Variants in NOL4 observed in about 807,000 individuals in gnomAD.
NOL4 encodes the protein nucleolar protein 4, also known as cancer/testis antigen 125.
NOL4 carries 17 observed loss-of-function variants against 75.9 expected under a neutral mutation model. The ratio of observed to expected loss-of-function variants is 0.22; its 90% confidence interval spans 0.15 to 0.34. The LOEUF (loss-of-function observed/expected upper bound fraction) is 0.34. Among genes scored for constraint, NOL4 ranks in the 10% least tolerant of loss-of-function variants. NOL4 has a pLI of 1.00. For synonymous variants in NOL4, 292 were observed against 289.9 expected (o/e 1.01, Z -0.07); for missense variants, 614 against 793.5 (o/e 0.77, Z 2.72).
intron 1 of NOL4, among the ~76,000 whole-genome samples, chr18:34,186,877 C>T (rs577440913): frequency 1.8e-4 from 27 of 152,246 alleles, no homozygotes; most frequent in Middle Eastern, 3.4e-3. Flanking sequence ...TGTAAGTTCA[C>T]AGCCAAACTG....
chr18:34,104,106 T>C lies in NOL4; in HGVS notation c.580A>G (p.Ile194Val). The C allele has an allele frequency of 1.9e-6, 3 of 1,612,034 alleles. No individual in the cohort carries two copies. The highest frequency in any genetic ancestry group is 1.7e-6 in the Non-Finnish European group (2 of 1,178,382). Residue 194 changes from isoleucine to valine, a missense_variant, in exon 4 of 11, where the codon ATT becomes GTT. This residue lies in a region of NOL4 where 135 missense variants were observed against 220.4 expected (regional missense o/e 0.61). Coordinates refer to ENST00000261592, the MANE Select transcript of NOL4 (RefSeq NM_003787.5). Reference sequence around the variant, plus strand: ...ATGTGTTTCATGTAGGCCATGGTAATTGGCATGTTGTAGTCAATCATGCTG... The same window carrying C: ...ATGTGTTTCATGTAGGCCATGGTAACTGGCATGTTGTAGTCAATCATGCTG... ...VTSMIDYNMP[I>V]TMAYMKHMKL...
At chr18:34,182,636 T>C (rs1398335931) in intron 1 of NOL4, among the ~76,000 whole-genome samples, 3 of 151,710 alleles carry the variant, frequency 2.0e-5, no homozygotes, top group Non-Finnish European at 4.4e-5. Context: ...ATCAACTGAG[T>C]GCAGGAGGAA....
intron 5 of NOL4, among the ~76,000 whole-genome samples, chr18:34,076,376 A>T (rs562286439): frequency 6.6e-6 from 1 of 152,254 alleles, no homozygotes; most frequent in East Asian, 1.9e-4. Context: ...AATCCCTCAC[A>T]TTGGCAGTGG....
chr18:33,865,221 C>G (rs931441219), intron 10 of NOL4, among the ~76,000 whole-genome samples: 1 of 152,020 alleles, frequency 6.6e-6, no homozygotes, highest in East Asian at 1.9e-4. Flanking sequence ...TCCAGGATAC[C>G]AAAATCCAGG....
chr18:34,081,977 C>A (rs1182418305), intron 5 of NOL4, among the ~76,000 whole-genome samples: 1 of 152,018 alleles, frequency 6.6e-6, no homozygotes, highest in African/African-American at 2.4e-5. Flanking sequence ...ATTTTAATTT[C>A]TTTATAACAA....
rs1400966454 is a variant in NOL4, at chr18:34,105,126, G to A, written c.449C>T (p.Ala150Val). Residue 150 changes from alanine (A) to valine (V), a missense_variant, in exon 3 of 11, where the codon GCG becomes GTG. Around this residue, in one of 9 missense-constraint regions of NOL4, gnomAD observed 135 missense variants for 220.4 expected, o/e 0.61. Coordinates refer to ENST00000261592, the MANE Select transcript of NOL4 (RefSeq NM_003787.5). ...GCAGCTCATTAGAAATCGTGTCACC[G>A]CTTCTCTTGGTAGGAAGGCATAGCT... ...SESYAFLPRE[A>V]VTRFLMSCSE... 6.2e-7 allele frequency: 1 copy of A among 1,611,708 alleles called. No individual in the cohort carries two copies. The highest frequency in any genetic ancestry group is 8.5e-7 in the Non-Finnish European group (1 of 1,178,196).
intron 6 of NOL4, among the ~76,000 whole-genome samples, chr18:33,979,765 G>A (rs1568162465): frequency 6.6e-6 from 1 of 151,904 alleles, no homozygotes; most frequent in African/African-American, 2.4e-5. Context: ...GTTAGCTTTT[G>A]CCAAAAAATT....
intron 5 of NOL4, among the ~76,000 whole-genome samples, chr18:34,050,034 A>C (rs1286863560): frequency 6.6e-6 from 1 of 152,150 alleles, no homozygotes; most frequent in Non-Finnish European, 1.5e-5. Context: ...CATATTTTAA[A>C]ACTCATTTTG....
chr18:34,130,214 G>A (rs1470143528), intron 1 of NOL4, among the ~76,000 whole-genome samples, 194 bp from the exon 2 acceptor site: 2 of 151,962 alleles, frequency 1.3e-5, no homozygotes, highest in Non-Finnish European at 2.9e-5. Flanking sequence ...AAACATGAGA[G>A]AAGACATTTG....
At chr18:34,004,765 C>G (rs928851641) in intron 6 of NOL4, among the ~76,000 whole-genome samples, 5 of 152,050 alleles carry the variant, frequency 3.3e-5, no homozygotes, top group Non-Finnish European at 5.9e-5. Context: ...GGTAAGGTGA[C>G]ATTTTCAGGA....
chr18:33,858,686 C>T (rs2062947156), intron 10 of NOL4, among the ~76,000 whole-genome samples: 1 of 152,030 alleles, frequency 6.6e-6, no homozygotes, highest in Non-Finnish European at 1.5e-5. Flanking sequence ...ATAAAATGAG[C>T]TGGAGTACTT....
At chr18:34,027,262 G>A (rs1242177760) in intron 5 of NOL4, among the ~76,000 whole-genome samples, 1 of 152,200 alleles carries the variant, frequency 6.6e-6, no homozygotes, top group African/African-American at 2.4e-5. Context: ...CAGTAGTAGG[G>A]AGCTCTCATG....
At chr18:33,853,815 CT>C (rs2062724750) in intron 10 of NOL4, among the ~76,000 whole-genome samples, 2 of 151,876 alleles carry the variant, frequency 1.3e-5, no homozygotes, top group African/African-American at 4.8e-5. Context: ...GTGCCGAAAC[CT>C]TTTTTTCTTA....
chr18:33,854,751 A>C (rs1372739246), intron 10 of NOL4, among the ~76,000 whole-genome samples: 3 of 151,488 alleles, frequency 2.0e-5, no homozygotes, highest in Non-Finnish European at 4.4e-5. Context: ...TCATTATTTC[A>C]TTACAAGGTG....
intron 6 of NOL4, among the ~76,000 whole-genome samples, chr18:33,988,569 G>A (rs1037409194): frequency 6.6e-6 from 1 of 152,016 alleles, no homozygotes; most frequent in African/African-American, 2.4e-5. Flanking sequence ...AACACAAAAA[G>A]CATTCCCCCA....
intron 9 of NOL4, among the ~76,000 whole-genome samples, chr18:33,917,640 G>C (rs905859792): frequency 1.3e-5 from 2 of 151,906 alleles, no homozygotes; most frequent in African/African-American, 4.8e-5. Context: ...GACTACAGGT[G>C]GGTGCTACTA....
chr18:34,164,523 C>T (rs1029190412), intron 1 of NOL4, among the ~76,000 whole-genome samples: 3 of 152,180 alleles, frequency 2.0e-5, no homozygotes, highest in African/African-American at 4.8e-5. Context: ...CAGAGAGATG[C>T]AAATCAAAAC....
chr18:33,965,454 C>T (rs1223925872), intron 6 of NOL4, among the ~76,000 whole-genome samples: 1 of 152,132 alleles, frequency 6.6e-6, no homozygotes, highest in Non-Finnish European at 1.5e-5. Flanking sequence ...GATCCTGCCA[C>T]TGAACTCCAG....
At chr18:34,139,657 T>A (rs569991186) in intron 1 of NOL4, among the ~76,000 whole-genome samples, 1 of 152,120 alleles carries the variant, frequency 6.6e-6, no homozygotes. Flanking sequence ...TTTTGGAGGG[T>A]TTTTTTGTGT....
Sources: gnomAD v4.1 joint callset for allele counts (sites outside exome capture counted in the v4.1 genomes callset) on GRCh38, gnomAD v4.1.1 for gene constraint, gnomAD v4.1.1 regional missense constraint, MANE v1.5 for transcripts, NCBI Gene and HGNC (gene_info 2026-07-23, HGNC 2026-07-21) for gene names.